MAN2B1: variants seen among roughly 807,000 people sequenced by gnomAD.
MAN2B1 encodes the protein lysosomal alpha-mannosidase.
In MAN2B1, 99 loss-of-function variants were observed where a neutral mutation model predicts 127.5. The observed-to-expected ratio is 0.78, with a 90% CI of 0.66 to 0.92. MAN2B1 has a LOEUF of 0.92. MAN2B1 is among the 40% of genes least tolerant of loss of function. MAN2B1 has a pLI of 0.00. For synonymous variants in MAN2B1, 573 were observed against 568.8 expected (o/e 1.01, Z -0.11); for missense variants, 1,304 against 1,384.8 (o/e 0.94, Z 0.93).
rs1384911711 is a variant in MAN2B1, at chr19:12,658,515, TG to T, written c.1027-6del. 6.8e-6 allele frequency: 11 copies of T among 1,613,826 alleles called. No homozygotes were observed. Among genetic ancestry groups the T allele is most frequent in the Non-Finnish European group, 9.3e-6 (11 of 1,179,966 alleles). On this transcript the variant is annotated splice_region_variant and splice_polypyrimidine_tract_variant and intron_variant, in intron 7 of 23. Transcript: ENST00000456935. ...GACACTGCTTCCTTTTGCCTGCTGCTGGGGGAGGCGACGGAGTGAGCCCTCG... is the reference window on the plus strand; with the variant it reads ...GACACTGCTTCCTTTTGCCTGCTGCTGGGGAGGCGACGGAGTGAGCCCTCG...
Position 12,650,105 on chromosome 19 carries a change from C to T in MAN2B1, c.2164G>A (p.Gly722Ser). The T allele has an allele frequency of 6.2e-7, 1 of 1,613,412 alleles. No individual in the cohort carries two copies. Among genetic ancestry groups the T allele is most frequent in the South Asian group, 1.1e-5 (1 of 91,054 alleles). Residue 722 changes from glycine (G) to serine (S), a missense_variant and splice_region_variant, in exon 17 of 24, where the codon GGC becomes AGC. Gly to Ser is a moderately conservative substitution (Grantham distance 56). Transcript: ENST00000456935. Reference protein sequence around the residue: ...LEWSVGPIPVGDTWGKEVISR... With the variant: ...LEWSVGPIPVSDTWGKEVISR... ...CCTCTCCCAGCCTGTGCCACTCACC[C>T]CACAGGTATCGGCCCCACCGACCAC... is the stretch of plus-strand genomic sequence containing the variant.
intron 1 of MAN2B1, 29 bp from the exon 2 acceptor site, chr19:12,665,834 T>G: frequency 6.4e-7 from 1 of 1,571,774 alleles, no homozygotes; most frequent in Non-Finnish European, 8.7e-7. Flanking sequence ...CACACATACC[T>G]TGTCAATAAC....
At chr19:12,656,877 T>C in intron 12 of MAN2B1, 72 bp downstream of exon 12, 1 of 1,290,594 alleles carries the variant, frequency 7.7e-7, no homozygotes, top group Non-Finnish European at 1.1e-6. Flanking sequence ...TGTATAGTCC[T>C]CCAAAAACAT....
chr19:12,651,710 C>G (rs887414437), intron 16 of MAN2B1, among the ~76,000 whole-genome samples: 2 of 152,154 alleles, frequency 1.3e-5, no homozygotes, highest in Non-Finnish European at 2.9e-5. Flanking sequence ...TAGCCAGATG[C>G]ACCCATAGGC....
At chr19:12,664,665 G>A in intron 4 of MAN2B1, 127 bp downstream of exon 4, 3 of 1,009,704 alleles carry the variant, frequency 3.0e-6, no homozygotes, top group Non-Finnish European at 4.4e-6. Flanking sequence ...TCAAGGGGCA[G>A]GGCTTCAACA....
intron 2 of MAN2B1, 68 bp downstream of exon 2, chr19:12,665,635 T>G (rs746990936): frequency 3.9e-5 from 62 of 1,586,450 alleles, no homozygotes; most frequent in Non-Finnish European, 5.3e-5. Context: ...CCCACCCTAA[T>G]GTCCAGGACC....
chr19:12,655,043 T>C (rs1294005592), intron 14 of MAN2B1, among the ~76,000 whole-genome samples: 3 of 152,206 alleles, frequency 2.0e-5, no homozygotes, highest in African/African-American at 7.2e-5. Context: ...CATTACTCAC[T>C]GCAACCTCGA....
At position 12,647,310 on chromosome 19, in the gene MAN2B1, G is replaced by A. The variant is rs377567861; in HGVS notation, c.2846C>T (p.Thr949Ile). 1.6e-5 allele frequency: 26 copies of A among 1,614,040 alleles called. No individual in the cohort carries two copies. The highest frequency in any genetic ancestry group is 6.7e-5 in the Admixed American group (4 of 59,996). Reference protein sequence around the residue: ...LRDLFSTFTITRLQETTLVAN... With the variant: ...LRDLFSTFTIIRLQETTLVAN... ...CACCAGCGTGGTCTCCTGCAGGCGG[G>A]TGATGGTGAAGGTGGAGAACAGGTC... Residue 949 changes from threonine (T) to isoleucine (I), a missense_variant, in exon 23 of 24, where the codon ACC becomes ATC. Physicochemically the swap from Thr to Ile is moderately conservative, Grantham distance 89. Coordinates refer to ENST00000456935, the MANE Select transcript of MAN2B1 (RefSeq NM_000528.4). The surrounding 1 kb of genome is among the most constrained non-coding windows in gnomAD (Gnocchi z 4.9).
At chr19:12,658,540 C>G (rs757858590) in intron 7 of MAN2B1, 30 bp from the exon 8 acceptor site, 1 of 1,604,976 alleles carries the variant, frequency 6.2e-7, no homozygotes, top group Admixed American at 1.7e-5. Flanking sequence ...AGTGAGCCCT[C>G]GGGAGTCCGC....
At position 12,647,567 on chromosome 19, in the gene MAN2B1, G is replaced by C; in HGVS notation, c.2696C>G (p.Ser899Trp). The C allele has an allele frequency of 1.2e-6, 2 of 1,614,066 alleles. No homozygotes were observed. The highest frequency in any genetic ancestry group is 1.7e-6 in the Non-Finnish European group (2 of 1,179,978). ...GCTGGCCAGCGTGAGCAGGTGCACC[G>C]AGGGCGGCAGGTCCCTGCGCAGCCC... ...FSGLRRDLPP[S>W]VHLLTLASWG... Residue 899 changes from serine (S) to tryptophan (W), a missense_variant, in exon 22 of 24, where the codon TCG becomes TGG. Physicochemically the swap from Ser to Trp is radical, Grantham distance 177. Coordinates refer to ENST00000456935, the MANE Select transcript of MAN2B1 (RefSeq NM_000528.4). This position sits in a 1 kb window ranked among gnomAD's most constrained non-coding sequence, Gnocchi z 4.9.
Position 12,649,892 on chromosome 19 carries a change from G to A in MAN2B1, c.2267+21C>T. ...CAACACACCACAGACCACCCCCTCA[G>A]TGCTCTCAGTCACCCCCCACCTCCT... On this transcript the variant is annotated intron_variant, in intron 18 of 23. Coordinates refer to ENST00000456935, the MANE Select transcript of MAN2B1 (RefSeq NM_000528.4). The A allele has an allele frequency of 1.9e-6, 3 of 1,578,514 alleles. No homozygotes were observed. In the African/African-American group the frequency reaches 4.3e-5, roughly 23 times the overall value.
At chr19:12,658,193 G>A (rs777414297) in intron 9 of MAN2B1, 31 bp downstream of exon 9, 3 of 1,613,818 alleles carry the variant, frequency 1.9e-6, no homozygotes, top group Non-Finnish European at 8.5e-7. Flanking sequence ...CCTCGGGGCT[G>A]CATGCCCCCT....
Position 12,655,840 on chromosome 19 carries a change from G to C in MAN2B1, c.1684C>G (p.Pro562Ala). 1 of 1,614,002 alleles carries C rather than the reference G, an allele frequency of 6.2e-7. No homozygotes were observed. Among genetic ancestry groups the C allele is most frequent in the Non-Finnish European group, 8.5e-7 (1 of 1,180,014 alleles). The change falls in exon 14 of 24, where the codon CCG becomes GCG. Residue 562 changes from proline (P) to alanine (A), a missense_variant. Coordinates refer to ENST00000456935, the MANE Select transcript of MAN2B1 (RefSeq NM_000528.4). Reference protein sequence around the residue: ...FPSSDSQAHPPELLFSASLPA... With the variant: ...FPSSDSQAHPAELLFSASLPA... ...AGTGAGGCTGAGAACAGCAGCTCCG[G>C]AGGGTGCGCCTGGCTGTCTGAGCTG...
At chr19:12,659,996 A>G (rs184785935) in intron 7 of MAN2B1, among the ~76,000 whole-genome samples, 14 of 152,176 alleles carry the variant, frequency 9.2e-5, no homozygotes, top group African/African-American at 3.4e-4. Flanking sequence ...GAGAGGGGAG[A>G]CAAGTTTCTG....
intron 5 of MAN2B1, 77 bp from the exon 6 acceptor site, chr19:12,663,539 C>A: frequency 6.3e-7 from 1 of 1,590,884 alleles, no homozygotes; most frequent in South Asian, 1.1e-5. Flanking sequence ...ATGTCCCACC[C>A]AGGATGGGCT....
Position 12,648,168 on chromosome 19 carries a change from C to T in MAN2B1, c.2664+7G>A. 1 of 1,535,274 alleles carries T rather than the reference C, an allele frequency of 6.5e-7. No individual in the cohort carries two copies. Among genetic ancestry groups the T allele is most frequent in the Non-Finnish European group, 8.7e-7 (1 of 1,146,450 alleles). ...CGGTCCTCTCTGCCTACCCCGCTGC[C>T]CCTCACCTGCGTGCGCGGAGGAGCC... On this transcript the variant is annotated splice_region_variant and intron_variant, in intron 21 of 23. Transcript: ENST00000456935.
intron 18 of MAN2B1, 106 bp downstream of exon 18, chr19:12,649,807 T>G: frequency 2.0e-6 from 2 of 985,858 alleles, no homozygotes; most frequent in Non-Finnish European, 1.6e-6. Flanking sequence ...TCACTCTCCC[T>G]TCGTCCTCTG....
At chr19:12,654,230 G>T (rs1266859100) in intron 14 of MAN2B1, among the ~76,000 whole-genome samples, 2 of 151,924 alleles carry the variant, frequency 1.3e-5, no homozygotes, top group Non-Finnish European at 2.9e-5. Context: ...TTTTTGTAGA[G>T]TCAGGGTTTC....
intron 4 of MAN2B1, among the ~76,000 whole-genome samples, 195 bp downstream of exon 4, chr19:12,664,597 T>C (rs2024182147): frequency 6.6e-6 from 1 of 152,154 alleles, no homozygotes; most frequent in South Asian, 2.1e-4. Flanking sequence ...TGGGTCAGCC[T>C]GGGCTGGGCA....
Sources: allele counts gnomAD v4.1 joint callset (sites outside exome capture counted in the v4.1 genomes callset), GRCh38; gene constraint gnomAD v4.1.1; non-coding constraint Gnocchi (gnomAD v3.1); transcripts MANE v1.5; gene names NCBI Gene and HGNC (gene_info 2026-07-23, HGNC 2026-07-21).